The following SAXO1 variants were observed in gnomAD, a reference collection of about 807,000 sequenced individuals.
SAXO1 encodes stabilizer of axonemal microtubules 1.
SAXO1 carries 21 observed loss-of-function variants against 17.5 expected under a neutral mutation model. That is an observed-to-expected ratio of 1.20 (90% CI 0.85 to 1.72). The LOEUF (loss-of-function observed/expected upper bound fraction) is 1.72, where lower values mean the gene tolerates loss of function less well. Among genes scored for constraint, SAXO1 ranks in the 40% most tolerant of loss-of-function variants. SAXO1 has a pLI of 0.00. For synonymous variants in SAXO1, 274 were observed against 216.5 expected (o/e 1.27, Z -2.33); for missense variants, 843 against 596.0 (o/e 1.41, Z -4.32).
chr9:18,981,105 G>A (rs1833368115), intron 1 of SAXO1, among the ~76,000 whole-genome samples: 2 of 152,108 alleles, frequency 1.3e-5, no homozygotes, highest in African/African-American at 4.8e-5. Context: ...AGGAAACTCT[G>A]GAAATAAACC....
intron 3 of SAXO1, among the ~76,000 whole-genome samples, chr9:18,935,159 G>A (rs73427234): frequency 0.038 from 5,807 of 151,958 alleles, 337 homozygotes; most frequent in African/African-American, 0.13. Flanking sequence ...CATGATCTGC[G>A]CACCTGGGCC....
chr9:18,928,221 C>G lies in SAXO1; in HGVS notation c.1256G>C (p.Arg419Thr), dbSNP rs766863784. The G allele has an allele frequency of 6.2e-7, 1 of 1,614,044 alleles. No homozygotes were observed. The highest frequency in any genetic ancestry group is 1.3e-5 in the African/African-American group (1 of 74,926). ...TISFTPKEMG[R>T]CLASYPEPPG... ...AGGCTCAGGATATGAAGCTAGGCACCTGCCCATTTCCTTGGGAGTAAAGCT... is the reference window on the plus strand; with the variant it reads ...AGGCTCAGGATATGAAGCTAGGCACGTGCCCATTTCCTTGGGAGTAAAGCT... The change falls in exon 4 of 4, where the codon AGG becomes ACG. Residue 419 changes from arginine to threonine, a missense_variant. Coordinates refer to ENST00000380534, the MANE Select transcript of SAXO1 (RefSeq NM_153707.4).
chr9:19,046,076 C>G (rs1243466099), intron 1 of SAXO1, among the ~76,000 whole-genome samples: 2 of 97,260 alleles, frequency 2.1e-5, no homozygotes, highest in Non-Finnish European at 4.0e-5. Flanking sequence ...GAATGAAACT[C>G]CGTCTCAAAA....
intron 1 of SAXO1, among the ~76,000 whole-genome samples, chr9:19,007,425 G>T (rs770695196): frequency 2.2e-4 from 34 of 152,100 alleles, no homozygotes; most frequent in Non-Finnish European, 4.7e-4. Flanking sequence ...AAACAAAGAA[G>T]TTCAACTTTT....
intron 1 of SAXO1, among the ~76,000 whole-genome samples, chr9:19,015,620 G>A (rs940541328): frequency 1.0e-4 from 15 of 150,160 alleles, no homozygotes; most frequent in Non-Finnish European, 1.8e-4. Flanking sequence ...TGGGATTACA[G>A]GCATGAGCCA....
chr9:18,941,946 T>C (rs1831583094), intron 2 of SAXO1, 107 bp from the exon 3 acceptor site: 5 of 1,011,204 alleles, frequency 4.9e-6, no homozygotes, highest in Non-Finnish European at 7.6e-6. Flanking sequence ...CCTGTTCTAC[T>C]CTACCTGCCT....
intron 1 of SAXO1, among the ~76,000 whole-genome samples, chr9:18,958,399 G>A (rs1315885207): frequency 6.6e-6 from 1 of 152,100 alleles, no homozygotes; most frequent in African/African-American, 2.4e-5. Context: ...GCTCCTGCCT[G>A]GGCAACAGAG....
Position 19,046,760 on chromosome 9 carries a change from G to T in SAXO1, c.-158+2449C>A, listed in dbSNP as rs144668079. ...ACACACCTATAATCCTAGCTACTTGGGAGGCTGGCATGTGAGGATCCCTTG... is the reference window on the plus strand; with the variant it reads ...ACACACCTATAATCCTAGCTACTTGTGAGGCTGGCATGTGAGGATCCCTTG... On this transcript the variant is annotated intron_variant, in intron 1 of 3. Coordinates refer to the SAXO1 transcript ENST00000542071. 2.9e-3 allele frequency among the ~76,000 whole-genome samples: 438 copies of T among 152,224 alleles called. 2 individuals carry two copies. The highest frequency in any genetic ancestry group is 5.2e-3 in the Non-Finnish European group (353 of 67,996).
chr9:18,962,727 C>T (rs112715010), intron 1 of SAXO1, among the ~76,000 whole-genome samples: 1 of 152,186 alleles, frequency 6.6e-6, no homozygotes, highest in African/African-American at 2.4e-5. Context: ...GGACAGATTG[C>T]AAAAATTTTC....
intron 1 of SAXO1, among the ~76,000 whole-genome samples, chr9:19,020,648 T>C (rs752008551): frequency 6.6e-6 from 1 of 152,214 alleles, no homozygotes; most frequent in Non-Finnish European, 1.5e-5. Context: ...TGTGAGCCAC[T>C]GGGCATAACC....
At chr9:19,020,265 A>G (rs1338688390) in intron 1 of SAXO1, among the ~76,000 whole-genome samples, 2 of 152,160 alleles carry the variant, frequency 1.3e-5, no homozygotes, top group Non-Finnish European at 2.9e-5. Flanking sequence ...TTGATTTTTC[A>G]TCCCAAATGT....
intron 1 of SAXO1, among the ~76,000 whole-genome samples, chr9:18,953,659 C>G (rs1832129446): frequency 1.3e-5 from 2 of 152,184 alleles, no homozygotes; most frequent in Admixed American, 6.5e-5. Flanking sequence ...CCAAGATACC[C>G]AGGACCATGT....
intron 1 of SAXO1, among the ~76,000 whole-genome samples, chr9:18,983,724 G>C (rs1028819517): frequency 3.9e-5 from 6 of 152,168 alleles, no homozygotes; most frequent in Non-Finnish European, 8.8e-5. Context: ...AGCCCTCAAA[G>C]TCATCCAAAA....
At chr9:18,975,892 CA>C (rs11312200) in intron 1 of SAXO1, among the ~76,000 whole-genome samples, 87,172 of 151,926 alleles carry the variant, frequency 0.57, 28,045 homozygotes, top group Non-Finnish European at 0.73. Context: ...GCAGACAGAC[CA>C]AGAGAGATGT....
At chr9:18,938,821 CGTGTGT>C (rs67090530) in intron 3 of SAXO1, among the ~76,000 whole-genome samples, 1,365 of 78,540 alleles carry the variant, frequency 0.017, 9 homozygotes, top group Non-Finnish European at 0.026. Flanking sequence ...TGCGTGCGTG[CGTGTGT>C]GTGTGTGTGT....
chr9:19,012,913 T>A (rs1834812110), intron 1 of SAXO1, among the ~76,000 whole-genome samples: 1 of 152,120 alleles, frequency 6.6e-6, no homozygotes, highest in Admixed American at 6.5e-5. Flanking sequence ...AAATCAAGAT[T>A]CTGCACCAAC....
rs776726989 is a variant in SAXO1 at position 18,960,997 on chromosome 9, T to C, written c.39-10060A>G. Among the ~76,000 whole-genome samples the C allele has an allele frequency of 4.9e-4, 74 of 152,222 alleles. 1 individual carries two copies. Among genetic ancestry groups the C allele is most frequent in the Non-Finnish European group, 9.0e-4 (61 of 68,012 alleles). ...CATCTTCATAGGGACTTGGGTTAAA[T>C]AGGCACATGATTTTGTCAAAACTCA... On this transcript the variant is annotated intron_variant, in intron 1 of 3. Coordinates refer to ENST00000380534, the MANE Select transcript of SAXO1 (RefSeq NM_153707.4).
intron 1 of SAXO1, among the ~76,000 whole-genome samples, chr9:19,011,141 T>C (rs977277466): frequency 2.0e-5 from 3 of 152,222 alleles, no homozygotes; most frequent in Non-Finnish European, 4.4e-5. Flanking sequence ...GTATTCTACT[T>C]ACCCTAATAG....
chr9:18,931,142 A>G (rs1224663418), intron 3 of SAXO1, among the ~76,000 whole-genome samples: 2 of 152,208 alleles, frequency 1.3e-5, no homozygotes, highest in African/African-American at 4.8e-5. Flanking sequence ...CATCATGCCA[A>G]AAATACCAAT....
Sources: gnomAD v4.1 joint callset for allele counts (sites outside exome capture counted in the v4.1 genomes callset) on GRCh38, gnomAD v4.1.1 for gene constraint, MANE v1.5 for transcripts, NCBI Gene and HGNC (gene_info 2026-07-23, HGNC 2026-07-21) for gene names.